MYH14: variants seen among roughly 807,000 people sequenced by gnomAD.
MYH14 encodes the protein myosin heavy chain 14.
MYH14 carries 123 observed loss-of-function variants against 255.5 expected under a neutral mutation model. The ratio of observed to expected loss-of-function variants is 0.48; its 90% confidence interval spans 0.42 to 0.56. The LOEUF (loss-of-function observed/expected upper bound fraction) is 0.56, where lower values mean the gene tolerates loss of function less well. MYH14 is among the 20% of genes least tolerant of loss of function. MYH14 has a pLI of 0.00. For synonymous variants in MYH14, 1,095 were observed against 1,161.2 expected (o/e 0.94, Z 1.16); for missense variants, 2,423 against 2,802.3 (o/e 0.86, Z 3.06).
At chr19:50,220,381 C>G (rs1196256635) in intron 3 of MYH14, among the ~76,000 whole-genome samples, 1 of 103,908 alleles carries the variant, frequency 9.6e-6, no homozygotes, top group Non-Finnish European at 2.3e-5. Context: ...TTTTATTATA[C>G]TTCATTTTTA....
chr19:50,251,508 TATATATACACACTACACACACACAC>T, intron 15 of MYH14, among the ~76,000 whole-genome samples: 2 of 30,466 alleles, frequency 6.6e-5, no homozygotes, highest in Admixed American at 4.8e-4. Context: ...TACACACATA[TATATATACACACTACACACACACAC>T]ACACACACAC....
Position 50,286,655 on chromosome 19 carries a change from G to T in MYH14, c.4713G>T (p.Leu1571=), listed in dbSNP as rs763705955. 1 of 1,586,040 alleles carries T rather than the reference G, an allele frequency of 6.3e-7. No individual in the cohort carries two copies. The highest frequency in any genetic ancestry group is 1.8e-5 in the Admixed American group (1 of 54,786). ...ERQNRALRAE[L]EALLSSKDDV... ...AGAACCGGGCCCTGCGGGCTGAGCT[G>T]GAGGCACTGCTGAGCAGCAAGGATG... The change falls in exon 34 of 43, where the codon CTG becomes CTT. Residue 1571 remains leucine (L), a synonymous_variant. Transcript: ENST00000642316.
chr19:50,230,458 T>TGG lies in MYH14; in HGVS notation c.875-67_875-66insGG. 7.3e-7 allele frequency: 1 copy of TGG among 1,376,188 alleles called. No individual in the cohort carries two copies. The allele number at this position is 1,376,188 out of a possible 1,614,324, so 85.2% of individuals were successfully genotyped here. A position where few individuals can be genotyped will look rare whatever the true frequency, so the allele number is the denominator to read the frequency against. Reference sequence around the variant, plus strand: ...AGGGGGCAGCGTGGGCAGGGCAGGCTCCTGTAGTGGCCTGGCAGCGTCGGG... The same window carrying TGG: ...AGGGGGCAGCGTGGGCAGGGCAGGCTGGCCTGTAGTGGCCTGGCAGCGTCGGG... On this transcript the variant is annotated intron_variant, in intron 8 of 42. Transcript: ENST00000642316. The surrounding 1 kb of genome is among the most constrained non-coding windows in gnomAD (Gnocchi z 4.7).
intron 19 of MYH14, 78 bp downstream of exon 19, chr19:50,259,343 A>C (rs1279684953): frequency 1.3e-6 from 2 of 1,521,594 alleles, no homozygotes; most frequent in Non-Finnish European, 1.8e-6. Context: ...ACCTGCATTC[A>C]GGTCTCCACC....
At chr19:50,251,641 G>A (rs150954312) in intron 15 of MYH14, among the ~76,000 whole-genome samples, 6 of 151,282 alleles carry the variant, frequency 4.0e-5, no homozygotes, top group African/African-American at 1.2e-4. Context: ...GCAGTGGCAC[G>A]ATCTCGGCTC....
intron 23 of MYH14, 62 bp from the exon 24 acceptor site, chr19:50,268,099 C>G: frequency 6.6e-7 from 1 of 1,510,722 alleles, no homozygotes; most frequent in Non-Finnish European, 8.8e-7. Context: ...GCAGTAGGCA[C>G]CCAGTGCAGG....
chr19:50,283,339 C>G (rs886982320), intron 33 of MYH14, among the ~76,000 whole-genome samples: 1 of 152,180 alleles, frequency 6.6e-6, no homozygotes, highest in Non-Finnish European at 1.5e-5. Context: ...AGGCTGGTCT[C>G]GAACTCCTGG....
At chr19:50,278,390 G>T (rs552414405) in intron 30 of MYH14, 101 bp downstream of exon 30, 2 of 848,682 alleles carry the variant, frequency 2.4e-6, no homozygotes, top group South Asian at 4.4e-5. Flanking sequence ...CAATTGTCTC[G>T]TTTGGCTCTT....
At position 50,276,021 on chromosome 19, in the gene MYH14, G is replaced by A. The variant is rs763929943; in HGVS notation, c.3498G>A (p.Gln1166=). ...AAGACGAGGGTGGGGCCCGGGCCCA[G>A]CTGCTGAAATCCCTGCGGGAGGCTC... The part of the protein sequence containing the change: ...RAEDEGGARA[Q]LLKSLREAQA... Residue 1166 remains glutamine, a synonymous_variant, in exon 28 of 43, where the codon CAG becomes CAA. Coordinates refer to ENST00000642316, the MANE Select transcript of MYH14 (RefSeq NM_001145809.2). This position sits in a 1 kb window ranked among gnomAD's most constrained non-coding sequence, Gnocchi z 4.3. 2 of 1,613,022 alleles carry A rather than the reference G, an allele frequency of 1.2e-6. No homozygotes were observed. The highest frequency in any genetic ancestry group is 1.7e-6 in the Non-Finnish European group (2 of 1,179,714).
chr19:50,230,335 G>C lies in MYH14; in HGVS notation c.875-190G>C, dbSNP rs2033310167. ...TGAACAGGTAGATGAGGAAACTGAGGCACAAGTGCTTAAGTGACATGAGCA... is the reference window on the plus strand; with the variant it reads ...TGAACAGGTAGATGAGGAAACTGAGCCACAAGTGCTTAAGTGACATGAGCA... On this transcript the variant is annotated intron_variant, in intron 8 of 42. Coordinates refer to ENST00000642316, the MANE Select transcript of MYH14 (RefSeq NM_001145809.2). The surrounding 1 kb of genome is among the most constrained non-coding windows in gnomAD (Gnocchi z 4.7). Among the ~76,000 whole-genome samples, 1 of 152,162 alleles carries C rather than the reference G, an allele frequency of 6.6e-6. No homozygotes were observed. Among genetic ancestry groups the C allele is most frequent in the African/African-American group, 2.4e-5 (1 of 41,432 alleles).
chr19:50,257,162 C>A, intron 17 of MYH14, 137 bp from the exon 18 acceptor site: 1 of 652,038 alleles, frequency 1.5e-6, no homozygotes, highest in Non-Finnish European at 2.5e-6. Context: ...AAGCTGATAT[C>A]TACCTTACAG....
chr19:50,290,930 G>A lies in MYH14; in HGVS notation c.5009G>A (p.Arg1670His), dbSNP rs759824498. ...EVERDEERKQRTLAVAARKKL... is the reference protein window; with the variant it reads ...EVERDEERKQHTLAVAARKKL... ...GAGCGGGATGAGGAGCGGAAGCAGC[G>A]CACTCTGGCCGTGGCTGCCCGCAAG... Residue 1670 changes from arginine (R) to histidine (H), a missense_variant, in exon 36 of 43, where the codon CGC (arginine) becomes CAC (histidine). Around this residue, in one of 3 missense-constraint regions of MYH14, gnomAD observed 1,513 missense variants for 1,674.8 expected, o/e 0.90. Transcript: ENST00000642316. 22 of 1,586,180 alleles carry A rather than the reference G, an allele frequency of 1.4e-5. 1 individual carries two copies. The highest frequency in any genetic ancestry group is 6.9e-5 in the South Asian group (6 of 86,766).
intron 27 of MYH14, among the ~76,000 whole-genome samples, 192 bp from the exon 28 acceptor site, chr19:50,275,799 A>G (rs907133735): frequency 6.6e-6 from 1 of 152,222 alleles, no homozygotes; most frequent in Non-Finnish European, 1.5e-5. Flanking sequence ...GCACTCCAGC[A>G]TGGGCAGCAG....
intron 39 of MYH14, among the ~76,000 whole-genome samples, chr19:50,299,336 G>A (rs530929338): frequency 3.5e-4 from 53 of 152,158 alleles, no homozygotes; most frequent in East Asian, 7.7e-4. Context: ...TTGGGAGGCC[G>A]AGGCGGGCAG....
Position 50,286,659 on chromosome 19 carries a change from G to T in MYH14, c.4717G>T (p.Ala1573Ser). Residue 1573 changes from alanine to serine, a missense_variant, in exon 34 of 43, where the codon GCA becomes TCA. Physicochemically the swap from Ala to Ser is moderately conservative, Grantham distance 99. Around this residue, in one of 3 missense-constraint regions of MYH14, gnomAD observed 1,513 missense variants for 1,674.8 expected, o/e 0.90. Coordinates refer to ENST00000642316, the MANE Select transcript of MYH14 (RefSeq NM_001145809.2). ...CCGGGCCCTGCGGGCTGAGCTGGAG[G>T]CACTGCTGAGCAGCAAGGATGACGT... ...QNRALRAELE[A>S]LLSSKDDVGK... 6.3e-7 allele frequency: 1 copy of T among 1,583,542 alleles called. No individual in the cohort carries two copies. Among genetic ancestry groups the T allele is most frequent in the Non-Finnish European group, 8.6e-7 (1 of 1,165,856 alleles).
chr19:50,242,680 C>G (rs1430401486), intron 10 of MYH14, among the ~76,000 whole-genome samples: 1 of 152,146 alleles, frequency 6.6e-6, no homozygotes, highest in African/African-American at 2.4e-5. Flanking sequence ...CTACAATGAA[C>G]AGCTGATGAT....
chr19:50,309,294 T>A, intron 42 of MYH14, 117 bp downstream of exon 42: 1 of 1,025,158 alleles, frequency 9.8e-7, no homozygotes, highest in Non-Finnish European at 1.5e-6. Flanking sequence ...CACGGGGGTG[T>A]GGGGCTGTGG....
At chr19:50,219,376 T>A (rs1215720129) in intron 3 of MYH14, among the ~76,000 whole-genome samples, 1 of 151,874 alleles carries the variant, frequency 6.6e-6, no homozygotes, top group African/African-American at 2.4e-5. Flanking sequence ...TTTCCATAAT[T>A]AAAAAATCAA....
chr19:50,281,448 C>A, intron 32 of MYH14, 146 bp from the exon 33 acceptor site: 1 of 1,200,378 alleles, frequency 8.3e-7, no homozygotes, highest in Non-Finnish European at 1.1e-6. Context: ...CAACTTCACA[C>A]CACTCAGAGG....
Sources: allele counts gnomAD v4.1 joint callset (sites outside exome capture counted in the v4.1 genomes callset), GRCh38; gene constraint gnomAD v4.1.1; regional missense constraint gnomAD v4.1.1; non-coding constraint Gnocchi (gnomAD v3.1); transcripts MANE v1.5; gene names NCBI Gene and HGNC (gene_info 2026-07-23, HGNC 2026-07-21).